NTM: variants seen among roughly 807,000 people sequenced by gnomAD.
The protein encoded by NTM is IgLON family member 2.
Under a neutral mutation model 42.1 loss-of-function variants are expected in NTM, and 13 were observed. The ratio of observed to expected loss-of-function variants is 0.31; its 90% CI spans 0.20 to 0.49. NTM has a LOEUF of 0.49. NTM is among the 20% of genes least tolerant of loss of function. The pLI, the probability that NTM is intolerant of heterozygous loss-of-function variation, is 0.99. For missense variants in NTM, 373 were observed against 452.8 expected (o/e 0.82, Z 1.60); for synonymous variants, 187 against 179.2 (o/e 1.04, Z -0.35).
chr11:132,142,777 A>G (rs1407050556), intron 2 of NTM, among the ~76,000 whole-genome samples: 1 of 152,172 alleles, frequency 6.6e-6, no homozygotes, highest in African/African-American at 2.4e-5. Flanking sequence ...CCGCAGAACC[A>G]TGCTGGAAAT....
At chr11:131,427,591 G>A (rs995935701) in intron 1 of NTM, among the ~76,000 whole-genome samples, 1 of 152,166 alleles carries the variant, frequency 6.6e-6, no homozygotes, top group Non-Finnish European at 1.5e-5. Context: ...AATGCCTCCT[G>A]TCCCTCGGTG....
chr11:132,326,092 C>T (rs1427883935), intron 7 of NTM, among the ~76,000 whole-genome samples: 2 of 152,068 alleles, frequency 1.3e-5, no homozygotes, highest in Non-Finnish European at 2.9e-5. Context: ...GGGTGCAGCA[C>T]ACCAACATGT....
At chr11:131,411,664 A>T (rs1946442289) in intron 1 of NTM, among the ~76,000 whole-genome samples, 1 of 151,178 alleles carries the variant, frequency 6.6e-6, no homozygotes, top group Admixed American at 6.6e-5. Flanking sequence ...AAATCAGGGG[A>T]AGGTGATATT....
intron 4 of NTM, among the ~76,000 whole-genome samples, chr11:132,257,146 G>A (rs2092550444): frequency 6.6e-6 from 1 of 152,310 alleles, no homozygotes; most frequent in African/African-American, 2.4e-5. Flanking sequence ...CATGAAGCAC[G>A]CTTACAAGAG....
intron 2 of NTM, among the ~76,000 whole-genome samples, chr11:132,011,527 TA>T (rs1177595812): frequency 1.3e-5 from 2 of 152,222 alleles, no homozygotes; most frequent in African/African-American, 4.8e-5. Context: ...CTTTTTTTCT[TA>T]AAAGAAAAGG....
At chr11:131,504,610 T>C (rs2047255734) in intron 1 of NTM, among the ~76,000 whole-genome samples, 3 of 152,192 alleles carry the variant, frequency 2.0e-5, no homozygotes, top group Admixed American at 6.5e-5. Flanking sequence ...TTGTGTGTGC[T>C]GCTGCTCTGT....
chr11:131,970,886 C>G (rs2063443905), intron 2 of NTM, among the ~76,000 whole-genome samples: 1 of 152,186 alleles, frequency 6.6e-6, no homozygotes, highest in Admixed American at 6.5e-5. Context: ...GCTTCCCACA[C>G]CAAAGCGTTT....
At chr11:131,850,180 C>T (rs1281302408) in intron 1 of NTM, among the ~76,000 whole-genome samples, 2 of 152,090 alleles carry the variant, frequency 1.3e-5, no homozygotes, top group African/African-American at 4.8e-5. Context: ...ACCTTAACTT[C>T]CACAGTTGCA....
intron 4 of NTM, among the ~76,000 whole-genome samples, chr11:132,234,838 G>T (rs1385844108): frequency 1.3e-5 from 2 of 152,126 alleles, no homozygotes; most frequent in East Asian, 3.8e-4. Flanking sequence ...ACATAACTTT[G>T]TTACTTTTGA....
chr11:131,998,032 C>A (rs1284093074), intron 2 of NTM, among the ~76,000 whole-genome samples: 4 of 152,098 alleles, frequency 2.6e-5, no homozygotes, highest in Admixed American at 6.5e-5. Flanking sequence ...ACCCCTCCCA[C>A]CCCATGGTGT....
intron 1 of NTM, among the ~76,000 whole-genome samples, chr11:131,672,519 G>A (rs950389683): frequency 1.2e-4 from 19 of 152,344 alleles, no homozygotes; most frequent in African/African-American, 4.6e-4. Context: ...GGGATTCCAG[G>A]CCATTCTCTT....
intron 7 of NTM, among the ~76,000 whole-genome samples, chr11:132,317,856 CCTTTG>C (rs1022283882): frequency 1.3e-5 from 2 of 152,094 alleles, no homozygotes; most frequent in Non-Finnish European, 2.9e-5. Flanking sequence ...CTTCAAGCTC[CCTTTG>C]CTTTGCTCAT....
intron 1 of NTM, among the ~76,000 whole-genome samples, chr11:131,859,123 C>T (rs188282045): frequency 1.5e-4 from 23 of 152,276 alleles, no homozygotes; most frequent in African/African-American, 5.1e-4. Flanking sequence ...TCCGTCTGTC[C>T]GTCTGTCCGT....
intron 4 of NTM, among the ~76,000 whole-genome samples, chr11:132,293,475 A>G (rs764462330): frequency 3.9e-5 from 6 of 152,116 alleles, no homozygotes; most frequent in Non-Finnish European, 7.4e-5. Flanking sequence ...GAGGTTCCTG[A>G]GTGCAGAATG....
At chr11:132,286,920 G>A (rs1211171403) in intron 4 of NTM, among the ~76,000 whole-genome samples, 1 of 152,188 alleles carries the variant, frequency 6.6e-6, no homozygotes, top group Non-Finnish European at 1.5e-5. Context: ...ATCCTTCTTT[G>A]AAGATGCTTT....
intron 1 of NTM, among the ~76,000 whole-genome samples, chr11:131,668,374 T>G (rs1592452237): frequency 6.6e-6 from 1 of 151,720 alleles, no homozygotes; most frequent in Non-Finnish European, 1.5e-5. Context: ...CTACTAATTG[T>G]GAGTGGAGAT....
intron 2 of NTM, among the ~76,000 whole-genome samples, chr11:132,041,858 A>C (rs1006380757): frequency 6.6e-6 from 1 of 152,202 alleles, no homozygotes; most frequent in Non-Finnish European, 1.5e-5. Flanking sequence ...TAGTTTCCTC[A>C]TAGGTAAAAT....
intron 3 of NTM, among the ~76,000 whole-genome samples, chr11:132,176,409 G>A (rs371786342): frequency 6.6e-6 from 1 of 151,426 alleles, no homozygotes; most frequent in Admixed American, 6.6e-5. Context: ...CATCTCAATA[G>A]CAGATGAAGT....
intron 8 of NTM, 40 bp downstream of exon 8, chr11:132,330,225 T>TG: frequency 1.3e-6 from 2 of 1,534,812 alleles, no homozygotes; most frequent in Non-Finnish European, 1.8e-6. Flanking sequence ...TTGGTGGGTG[T>TG]GGGGTATGTA....
Sources: allele counts gnomAD v4.1 joint callset (sites outside exome capture counted in the v4.1 genomes callset), GRCh38; gene constraint gnomAD v4.1.1; transcripts MANE v1.5; gene names NCBI Gene and HGNC (gene_info 2026-07-23, HGNC 2026-07-21).